MCHR2: variants seen among roughly 807,000 people sequenced by gnomAD.
MCHR2 encodes melanin-concentrating hormone receptor 2.
In MCHR2, 15 loss-of-function variants were observed where a neutral mutation model predicts 24.8. That is an observed-to-expected ratio of 0.60 (90% CI 0.40 to 0.93). The LOEUF (loss-of-function observed/expected upper bound fraction) is 0.93, where lower values mean the gene tolerates loss of function less well. Among genes scored for constraint, MCHR2 ranks in the 40% least tolerant of loss-of-function variants. The pLI is 0.00. For synonymous variants in MCHR2, 151 were observed against 147.6 expected (o/e 1.02, Z -0.17); for missense variants, 386 against 408.7 (o/e 0.94, Z 0.48).
At chr6:99,969,152 A>T (rs1201520006) in intron 1 of MCHR2, among the ~76,000 whole-genome samples, 1 of 152,154 alleles carries the variant, frequency 6.6e-6, no homozygotes, top group African/African-American at 2.4e-5. Context: ...ACATCAGATA[A>T]TGTAATTTTT....
intron 1 of MCHR2, among the ~76,000 whole-genome samples, chr6:99,958,027 A>G (rs977589135): frequency 1.3e-5 from 2 of 152,126 alleles, no homozygotes; most frequent in African/African-American, 2.4e-5. Flanking sequence ...AGAATACTAA[A>G]TAAACTCTTG....
At chr6:99,956,195 A>T in intron 1 of MCHR2, 21 bp from the exon 2 acceptor site, 1 of 1,470,768 alleles carries the variant, frequency 6.8e-7, no homozygotes, top group Non-Finnish European at 9.2e-7. Context: ...ATAGGAAGTG[A>T]TTTATTTAGT....
At chr6:99,967,150 T>C (rs1775309868) in intron 1 of MCHR2, among the ~76,000 whole-genome samples, 1 of 141,718 alleles carries the variant, frequency 7.1e-6, no homozygotes. Context: ...GTAGCAAGAT[T>C]GTTTTTCTTA....
chr6:99,937,625 T>TG lies in MCHR2; in HGVS notation c.588-3109_588-3108insC, dbSNP rs200506779. Among the ~76,000 whole-genome samples, 677 of 152,130 alleles carry TG rather than the reference T, an allele frequency of 4.5e-3. 9 individuals carry two copies. Among genetic ancestry groups the TG allele is most frequent in the African/African-American group, 0.016 (649 of 41,542 alleles). On this transcript the variant is annotated intron_variant, in intron 4 of 5. Transcript: ENST00000281806. ...CTGTTTGCTAGTATTTTGTTAAGGATTTTTGCATCTATGCTCATCAGTAAT... is the reference window on the plus strand; with the variant it reads ...CTGTTTGCTAGTATTTTGTTAAGGATGTTTTGCATCTATGCTCATCAGTAAT...
At chr6:99,925,326 C>T (rs1465287090) in intron 5 of MCHR2, among the ~76,000 whole-genome samples, 1 of 151,782 alleles carries the variant, frequency 6.6e-6, no homozygotes, top group Non-Finnish European at 1.5e-5. Flanking sequence ...AATAGATCAA[C>T]AGGTCTTGTT....
At chr6:99,921,850 C>A (rs1253406148) in intron 5 of MCHR2, among the ~76,000 whole-genome samples, 1 of 152,100 alleles carries the variant, frequency 6.6e-6, no homozygotes, top group Non-Finnish European at 1.5e-5. Context: ...ATTTTTAGAT[C>A]CCACAAATGT....
intron 4 of MCHR2, among the ~76,000 whole-genome samples, chr6:99,936,146 C>T (rs1421333407): frequency 2.6e-5 from 4 of 151,656 alleles, no homozygotes; most frequent in African/African-American, 9.7e-5. Context: ...CCATTCTGTG[C>T]GTTGTCTCTT....
At chr6:99,943,501 A>C (rs1774817788) in intron 3 of MCHR2, among the ~76,000 whole-genome samples, 1 of 151,190 alleles carries the variant, frequency 6.6e-6, no homozygotes, top group African/African-American at 2.4e-5. Context: ...CAACCCCACA[A>C]CAGTCCCCAG....
chr6:99,935,703 C>T (rs1774643780), intron 4 of MCHR2, among the ~76,000 whole-genome samples: 1 of 151,948 alleles, frequency 6.6e-6, no homozygotes, highest in South Asian at 2.1e-4. Flanking sequence ...ATATTAATAT[C>T]GTTTCTTTTG....
intron 1 of MCHR2, among the ~76,000 whole-genome samples, chr6:99,980,583 G>A (rs1775648485): frequency 6.6e-6 from 1 of 152,044 alleles, no homozygotes; most frequent in South Asian, 2.1e-4. Context: ...GCACATGAGT[G>A]CAAGTGCGTG....
chr6:99,928,291 C>A (rs916253352), intron 5 of MCHR2, among the ~76,000 whole-genome samples: 21 of 152,030 alleles, frequency 1.4e-4, no homozygotes, highest in East Asian at 1.9e-4. Flanking sequence ...TATTGGTCTA[C>A]AATTCTCTTT....
At chr6:99,941,147 G>A (rs1468750492) in intron 4 of MCHR2, among the ~76,000 whole-genome samples, 1 of 151,820 alleles carries the variant, frequency 6.6e-6, no homozygotes, top group Non-Finnish European at 1.5e-5. Context: ...TGTGAGTTGG[G>A]GGGAAGTTTT....
chr6:99,931,668 G>C (rs907534496), intron 5 of MCHR2, among the ~76,000 whole-genome samples: 2 of 152,148 alleles, frequency 1.3e-5, no homozygotes, highest in Non-Finnish European at 2.9e-5. Context: ...CTCCTGGTGT[G>C]CCGTCTCCTA....
intron 3 of MCHR2, among the ~76,000 whole-genome samples, chr6:99,946,260 T>A (rs2114526484): frequency 6.6e-6 from 1 of 152,286 alleles, no homozygotes; most frequent in East Asian, 1.9e-4. Flanking sequence ...TAACCAGAGC[T>A]ATGCAGTATA....
chr6:99,982,053 C>T (rs887178069), intron 1 of MCHR2, among the ~76,000 whole-genome samples: 5 of 152,158 alleles, frequency 3.3e-5, no homozygotes, highest in African/African-American at 1.2e-4. Flanking sequence ...ACTCTAGATA[C>T]TGATTTCACA....
At chr6:99,924,748 T>C (rs925449753) in intron 5 of MCHR2, among the ~76,000 whole-genome samples, 1 of 152,128 alleles carries the variant, frequency 6.6e-6, no homozygotes, top group Non-Finnish European at 1.5e-5. Flanking sequence ...TTTTATTCTA[T>C]TGTGGTCAGA....
intron 3 of MCHR2, among the ~76,000 whole-genome samples, chr6:99,943,371 C>T (rs1193080854): frequency 1.3e-5 from 2 of 149,486 alleles, no homozygotes; most frequent in Non-Finnish European, 3.0e-5. Flanking sequence ...TTTTAGGGTA[C>T]ATGTGCACAA....
intron 5 of MCHR2, among the ~76,000 whole-genome samples, chr6:99,927,671 T>C (rs1774399184): frequency 6.6e-6 from 1 of 151,958 alleles, no homozygotes; most frequent in Non-Finnish European, 1.5e-5. Flanking sequence ...GCTTGTGATT[T>C]TTGTACGTTG....
intron 5 of MCHR2, among the ~76,000 whole-genome samples, chr6:99,926,205 G>A (rs1037274639): frequency 6.6e-6 from 1 of 152,122 alleles, no homozygotes; most frequent in Non-Finnish European, 1.5e-5. Flanking sequence ...TGGTGTATAT[G>A]TGCCACATTG....
Sources: allele counts gnomAD v4.1 joint callset (sites outside exome capture counted in the v4.1 genomes callset), GRCh38; gene constraint gnomAD v4.1.1; transcripts MANE v1.5; gene names NCBI Gene and HGNC (gene_info 2026-07-23, HGNC 2026-07-21).